Variants in PLXDC1 observed in about 807,000 individuals in gnomAD.
The protein encoded by PLXDC1 is plexin domain containing 1.
In PLXDC1, 39 loss-of-function variants were observed where a neutral mutation model predicts 61.3. The observed-to-expected ratio is 0.64, with a 90% CI of 0.49 to 0.83. PLXDC1 has a LOEUF of 0.83. Among genes scored for constraint, PLXDC1 ranks in the 40% least tolerant of loss-of-function variants. The probability of loss-of-function intolerance (pLI) is 0.00; values close to 1 mark genes in which losing one functional copy is unlikely to be tolerated. For synonymous variants in PLXDC1, 212 were observed against 254.5 expected (o/e 0.83, Z 1.59); for missense variants, 596 against 666.5 (o/e 0.89, Z 1.17).
intron 7 of PLXDC1, among the ~76,000 whole-genome samples, chr17:39,098,457 T>G (rs191888138): frequency 8.5e-5 from 13 of 152,300 alleles, no homozygotes. Flanking sequence ...AGGTCCACTT[T>G]CTTGTAGTTA....
At chr17:39,076,956 A>G (rs937068408) in intron 11 of PLXDC1, among the ~76,000 whole-genome samples, 8 of 152,100 alleles carry the variant, frequency 5.3e-5, no homozygotes, top group African/African-American at 1.9e-4. Context: ...GATGGTCTCG[A>G]ACTCCTGACC....
chr17:39,129,938 A>G (rs1021086153), intron 2 of PLXDC1, among the ~76,000 whole-genome samples: 1 of 152,262 alleles, frequency 6.6e-6, no homozygotes, highest in Non-Finnish European at 1.5e-5. Flanking sequence ...ATACGATTAA[A>G]TATTATACAG....
upstream of PLXDC1, chr17:39,152,609 C>G: frequency 8.0e-7 from 1 of 1,250,898 alleles, no homozygotes; most frequent in Non-Finnish European, 1.0e-6. Context: ...AGGGGGCATC[C>G]TGGCTTCTAG....
At chr17:39,110,393 G>A (rs1009213858) in intron 2 of PLXDC1, among the ~76,000 whole-genome samples, 2 of 152,212 alleles carry the variant, frequency 1.3e-5, no homozygotes, top group Non-Finnish European at 2.9e-5. Context: ...AAGTTAGAAT[G>A]CTATGGGCTG....
At chr17:39,107,821 C>T in intron 5 of PLXDC1, 1 of 530,088 alleles carries the variant, frequency 1.9e-6, no homozygotes, top group Middle Eastern at 2.9e-4. Context: ...GTCTGTTCTC[C>T]TGGATTCAGA....
In PLXDC1 at chr17:39,148,411, T is replaced by C. The variant is rs144993822; in HGVS notation, c.76+2951A>G. Among the ~76,000 whole-genome samples, 1,017 of 151,838 alleles carry C rather than the reference T, an allele frequency of 6.7e-3. 13 individuals are homozygous for C. The highest frequency in any genetic ancestry group is 0.023 in the African/African-American group (955 of 41,434). On this transcript the variant is annotated intron_variant, in intron 1 of 13. Coordinates refer to ENST00000315392, the MANE Select transcript of PLXDC1 (RefSeq NM_020405.5). ...TTAATTTTTTTTTTTGACAGAGTCT[T>C]ACTCTGTTGCCCAGGCTGGAGTGCA...
chr17:39,079,407 G>A, intron 9 of PLXDC1: 1 of 567,828 alleles, frequency 1.8e-6, no homozygotes, highest in Non-Finnish European at 3.3e-6. Flanking sequence ...AGTAGGTGTA[G>A]GGGCTAGCAG....
At chr17:39,068,245 C>T (rs904579918) in intron 13 of PLXDC1, among the ~76,000 whole-genome samples, 1 of 152,238 alleles carries the variant, frequency 6.6e-6, no homozygotes, top group African/African-American at 2.4e-5. Flanking sequence ...TTCAGCAATA[C>T]ACCAAGTGGA....
intron 11 of PLXDC1, among the ~76,000 whole-genome samples, chr17:39,076,477 C>G (rs1363583967): frequency 6.7e-6 from 1 of 149,166 alleles, no homozygotes; most frequent in East Asian, 2.0e-4. Context: ...CTCCAGTGCA[C>G]TCCAGCCTGA....
At chr17:39,094,485 T>G (rs1910069757) in intron 7 of PLXDC1, among the ~76,000 whole-genome samples, 1 of 151,490 alleles carries the variant, frequency 6.6e-6, no homozygotes, top group African/African-American at 2.4e-5. Context: ...TCAGGCAAAG[T>G]GACTGCCCCC....
chr17:39,099,845 A>T (rs1215873723), intron 7 of PLXDC1, among the ~76,000 whole-genome samples: 1 of 152,136 alleles, frequency 6.6e-6, no homozygotes, highest in Non-Finnish European at 1.5e-5. Context: ...AGACGCTAGC[A>T]TGGCCCCCAG....
Position 39,108,243 on chromosome 17 carries a change from A to C in PLXDC1, c.472T>G (p.Phe158Val). 6.2e-7 allele frequency: 1 copy of C among 1,613,898 alleles called. No individual in the cohort carries two copies. Among genetic ancestry groups the C allele is most frequent in the Non-Finnish European group, 8.5e-7 (1 of 1,180,002 alleles). Residue 158 changes from phenylalanine (F) to valine (V), a missense_variant and splice_region_variant, in exon 5 of 14, where the codon TTC (phenylalanine) becomes GTC (valine). By Grantham distance (50) the Phe-to-Val change is conservative (BLOSUM62 -1). Transcript: ENST00000315392. ...LRQITIATGG[F>V]IFMGDVIHRM... ...TGGATCACGTCCCCCATGAAGATGA[A>C]GCCTAGGGTGGGAGAGGTGCAGAGG...
chr17:39,106,155 T>C (rs566763503), intron 6 of PLXDC1, among the ~76,000 whole-genome samples: 1 of 152,144 alleles, frequency 6.6e-6, no homozygotes, highest in South Asian at 2.1e-4. Flanking sequence ...TTCCTCTGTC[T>C]CGGTGAATGG....
intron 9 of PLXDC1, chr17:39,080,278 TA>T (rs35347559): frequency 9.9e-4 from 146 of 148,084 alleles, no homozygotes; most frequent in African/African-American, 1.5e-3. Context: ...CCCTGTCTCT[TA>T]AAAAAAAAAA....
chr17:39,142,325 T>A (rs2143955124), intron 1 of PLXDC1, among the ~76,000 whole-genome samples: 1 of 152,322 alleles, frequency 6.6e-6, no homozygotes, highest in African/African-American at 2.4e-5. Context: ...CCAGAGGCAC[T>A]CCAACTGAGA....
chr17:39,122,425 G>T (rs1051827548), intron 2 of PLXDC1, among the ~76,000 whole-genome samples: 3 of 147,458 alleles, frequency 2.0e-5, no homozygotes, highest in Non-Finnish European at 4.5e-5. Flanking sequence ...CCCTCTCTCT[G>T]CCTGGCTGGG....
At chr17:39,101,050 GGGCCCCAT>G in intron 7 of PLXDC1, among the ~76,000 whole-genome samples, 1 of 152,206 alleles carries the variant, frequency 6.6e-6, no homozygotes, top group East Asian at 1.9e-4. Context: ...GATATCCACA[GGGCCCCAT>G]GGCATGGAGC....
Position 39,069,911 on chromosome 17 carries a change from G to C in PLXDC1, c.1328C>G (p.Ala443Gly). Residue 443 changes from alanine to glycine, a missense_variant, in exon 13 of 14, where the codon GCT becomes GGT. Physicochemically the swap from Ala to Gly is moderately conservative, Grantham distance 60 (BLOSUM62 0). Transcript: ENST00000315392. ...GGGGTGGCCATTGATGTAAATTCCA[G>C]CCAGGATGATGGCCGCCACGAGGAG... ...AVLLVAAIIL[A>G]GIYINGHPTS... The C allele has an allele frequency of 1.2e-6, 2 of 1,613,816 alleles. No individual in the cohort carries two copies. The highest frequency in any genetic ancestry group is 1.7e-6 in the Non-Finnish European group (2 of 1,179,734).
At position 39,139,820 on chromosome 17, in the gene PLXDC1, C is replaced by T. The variant is rs1014606494; in HGVS notation, c.89G>A (p.Gly30Asp). ...TTTGGCAGCCCATCCAGAGCCTGGG[C>T]CCTCATCGTGACCTGGGAGAAGGGG... The part of the protein sequence containing the change: ...SPQPGAGHDE[G>D]PGSGWAAKGT... The change falls in exon 2 of 14, where the codon GGC (glycine) becomes GAC (aspartate). Residue 30 changes from glycine to aspartate, a missense_variant. Gly to Asp is a moderately conservative substitution (Grantham distance 94). Transcript: ENST00000315392. 18 of 1,604,460 alleles carry T rather than the reference C, an allele frequency of 1.1e-5. No homozygotes were observed. Among genetic ancestry groups the T allele is most frequent in the Admixed American group, 1.7e-5 (1 of 59,304 alleles).
Sources: allele counts gnomAD v4.1 joint callset (sites outside exome capture counted in the v4.1 genomes callset), GRCh38; gene constraint gnomAD v4.1.1; transcripts MANE v1.5; gene names NCBI Gene and HGNC (gene_info 2026-07-23, HGNC 2026-07-21).